The following PTER variants were observed in gnomAD, a reference collection of about 807,000 sequenced individuals.
PTER encodes the protein phosphotriesterase related.
PTER carries 38 observed loss-of-function variants against 29.6 expected under a neutral mutation model. The ratio of observed to expected loss-of-function variants is 1.28; its 90% CI spans 0.99 to 1.68. The LOEUF (loss-of-function observed/expected upper bound fraction) is 1.68, where lower values mean the gene tolerates loss of function less well. PTER is among the 40% of genes most tolerant of loss of function. The pLI is 0.00. For missense variants in PTER, 482 were observed against 427.8 expected (o/e 1.13, Z -1.12); for synonymous variants, 172 against 154.5 (o/e 1.11, Z -0.84).
chr10:16,451,799 G>C (rs181041362), intron 1 of PTER, among the ~76,000 whole-genome samples: 1 of 151,916 alleles, frequency 6.6e-6, no homozygotes, highest in Non-Finnish European at 1.5e-5. Context: ...GTGTTGGGAG[G>C]GTTATTACCC....
In PTER at chr10:16,512,945, G is replaced by T. The variant is rs1836867970; in HGVS notation, c.*1689G>T. The T allele has an allele frequency of 6.6e-6, 1 of 152,472 alleles. No homozygotes were observed. Among genetic ancestry groups the T allele is most frequent in the African/African-American group, 2.4e-5 (1 of 41,440 alleles). The allele number at this position is 152,472 out of a possible 1,614,324, so 9.4% of individuals were successfully genotyped here. ...TTTGGCAGTGTGTTCTAACCAGAAA[G>T]AAAGGATTTGTATTACTCTCCAAAT... On this transcript the variant is annotated 3_prime_UTR_variant, in exon 5 of 5. Coordinates refer to ENST00000535784, the MANE Select transcript of PTER (RefSeq NM_001261836.2).
At chr10:16,480,275 C>T (rs1245240811) in intron 1 of PTER, among the ~76,000 whole-genome samples, 5 of 150,872 alleles carry the variant, frequency 3.3e-5, no homozygotes, top group Non-Finnish European at 5.9e-5. Context: ...CTGCACCCTC[C>T]ACCTCCCAGG....
At chr10:16,441,943 T>C (rs1564382102) in intron 1 of PTER, among the ~76,000 whole-genome samples, 1 of 152,122 alleles carries the variant, frequency 6.6e-6, no homozygotes, top group African/African-American at 2.4e-5. Context: ...CTCACTTGTG[T>C]ATGGTAAACA....
At chr10:16,451,231 C>T (rs1834198079) in intron 1 of PTER, among the ~76,000 whole-genome samples, 1 of 152,202 alleles carries the variant, frequency 6.6e-6, no homozygotes, top group African/African-American at 2.4e-5. Context: ...TTTACTCTAG[C>T]TGCACTGGCA....
intron 1 of PTER, among the ~76,000 whole-genome samples, chr10:16,476,408 T>C (rs11254010): frequency 0.17 from 26,082 of 151,946 alleles, 4,291 homozygotes; most frequent in African/African-American, 0.43. Context: ...GTGGTGCTTT[T>C]AGGTATCGTT....
intron 4 of PTER, among the ~76,000 whole-genome samples, chr10:16,508,462 C>A (rs1311735921): frequency 6.6e-6 from 1 of 152,038 alleles, no homozygotes; most frequent in Non-Finnish European, 1.5e-5. Context: ...TGAGGTGCAT[C>A]TTTTGCACAC....
downstream of PTER, among the ~76,000 whole-genome samples, chr10:16,517,354 A>G (rs989827298): frequency 5.3e-5 from 8 of 152,228 alleles, no homozygotes; most frequent in African/African-American, 1.9e-4. Flanking sequence ...ATCCTTTTAA[A>G]AATATTTCAT....
At chr10:16,473,205 A>G (rs1015865572) in intron 1 of PTER, among the ~76,000 whole-genome samples, 1 of 152,054 alleles carries the variant, frequency 6.6e-6, no homozygotes, top group Non-Finnish European at 1.5e-5. Flanking sequence ...ACTAGATACT[A>G]TGTAACTATT....
In PTER at chr10:16,456,866, G is replaced by GGC. The variant is rs1834418754; in HGVS notation, c.-49+19820_-49+19821insCG. Reference sequence around the variant, plus strand: ...GTAACTGAACCATGGGGAAGGTGGGGGGGGGTTCCGCCATGCTGTTCTCGT... The same window carrying GGC: ...GTAACTGAACCATGGGGAAGGTGGGGGCGGGGGTTCCGCCATGCTGTTCTCGT... On this transcript the variant is annotated intron_variant, in intron 1 of 4. Coordinates refer to ENST00000535784, the MANE Select transcript of PTER (RefSeq NM_001261836.2). Among the ~76,000 whole-genome samples, 2 of 149,298 alleles carry GGC rather than the reference G, an allele frequency of 1.3e-5. 1 individual carries two copies. Among genetic ancestry groups the GGC allele is most frequent in the African/African-American group, 4.9e-5 (2 of 40,670 alleles).
chr10:16,490,963 A>G (rs1835878355), intron 3 of PTER, among the ~76,000 whole-genome samples: 1 of 151,864 alleles, frequency 6.6e-6, no homozygotes, highest in Non-Finnish European at 1.5e-5. Context: ...CACTACACCT[A>G]TATATACACA....
At chr10:16,501,328 TACACACACACACACAC>T (rs35321143) in intron 3 of PTER, among the ~76,000 whole-genome samples, 5 of 117,154 alleles carry the variant, frequency 4.3e-5, no homozygotes, top group East Asian at 6.9e-4. Context: ...AATGAATAAC[TACACACACACACACAC>T]ACACACACAC....
intron 1 of PTER, among the ~76,000 whole-genome samples, chr10:16,450,986 G>A (rs909829149): frequency 1.1e-4 from 16 of 152,084 alleles, no homozygotes; most frequent in African/African-American, 2.4e-4. Flanking sequence ...TTTGGATGTC[G>A]TTAGATTAAG....
intron 4 of PTER, among the ~76,000 whole-genome samples, chr10:16,509,828 C>T (rs1287702752): frequency 6.6e-6 from 1 of 152,160 alleles, no homozygotes; most frequent in East Asian, 1.9e-4. Context: ...TCTGCTAGTG[C>T]TTGCATTCCT....
intron 4 of PTER, 138 bp downstream of exon 4, chr10:16,505,298 C>A: frequency 1.8e-6 from 2 of 1,117,180 alleles, no homozygotes; most frequent in Admixed American, 2.4e-5. Flanking sequence ...TATATCTATG[C>A]TGTTTCAGGG....
At chr10:16,439,300 G>A (rs1425885149) in intron 1 of PTER, among the ~76,000 whole-genome samples, 1 of 152,186 alleles carries the variant, frequency 6.6e-6, no homozygotes, top group East Asian at 1.9e-4. Context: ...CCCCTTCCCT[G>A]TGAAGGACAG....
chr10:16,443,310 C>T (rs1328514150), intron 1 of PTER, among the ~76,000 whole-genome samples: 1 of 152,152 alleles, frequency 6.6e-6, no homozygotes, highest in South Asian at 2.1e-4. Context: ...CCCTAACAAC[C>T]CCCTTTTAAC....
chr10:16,475,229 C>G (rs1331089679), intron 1 of PTER, among the ~76,000 whole-genome samples: 2 of 152,150 alleles, frequency 1.3e-5, no homozygotes, highest in Admixed American at 1.3e-4. Context: ...AAACAACCAC[C>G]ATTTTATTGT....
intron 1 of PTER, among the ~76,000 whole-genome samples, chr10:16,479,378 G>A (rs1181522184): frequency 6.6e-6 from 1 of 152,062 alleles, no homozygotes; most frequent in Non-Finnish European, 1.5e-5. Flanking sequence ...TGTCCAAGGA[G>A]GGACTCCTGG....
At chr10:16,457,870 A>G (rs940322316) in intron 1 of PTER, among the ~76,000 whole-genome samples, 1 of 152,146 alleles carries the variant, frequency 6.6e-6, no homozygotes, top group Non-Finnish European at 1.5e-5. Flanking sequence ...TGGCCTCCCA[A>G]AGTGCTGAGA....
Sources: allele counts gnomAD v4.1 joint callset (sites outside exome capture counted in the v4.1 genomes callset), GRCh38; gene constraint gnomAD v4.1.1; transcripts MANE v1.5; gene names NCBI Gene and HGNC (gene_info 2026-07-23, HGNC 2026-07-21).